The following ST3GAL3 variants were observed in gnomAD, a reference collection of about 807,000 sequenced individuals.
ST3GAL3 encodes the protein CMP-N-acetylneuraminate-beta-1,4-galactoside alpha-2,3-sialyltransferase.
In ST3GAL3, 21 loss-of-function variants were observed where a neutral mutation model predicts 50.1. The ratio of observed to expected loss-of-function variants is 0.42; its 90% CI spans 0.30 to 0.60. ST3GAL3 has a LOEUF of 0.60. ST3GAL3 is among the 20% of genes least tolerant of loss of function. ST3GAL3 has a pLI of 0.19. For missense variants in ST3GAL3, 353 were observed against 489.4 expected (o/e 0.72, Z 2.63); for synonymous variants, 183 against 190.0 (o/e 0.96, Z 0.30).
At chr1:43,753,652 G>A (rs1391432267) in intron 2 of ST3GAL3, among the ~76,000 whole-genome samples, 2 of 152,174 alleles carry the variant, frequency 1.3e-5, no homozygotes, top group Admixed American at 1.3e-4. Context: ...TCATGTTACT[G>A]TAATCTATTC....
At chr1:43,837,347 CAG>C (rs1445464244) in intron 4 of ST3GAL3, among the ~76,000 whole-genome samples, 1 of 39,456 alleles carries the variant, frequency 2.5e-5, no homozygotes, top group African/African-American at 6.7e-5. Flanking sequence ...ACATTCCAGG[CAG>C]AGAGAGGAAA....
chr1:43,924,473 A>G (rs551252751), intron 11 of ST3GAL3, among the ~76,000 whole-genome samples: 39 of 152,348 alleles, frequency 2.6e-4, no homozygotes, highest in African/African-American at 8.4e-4. Flanking sequence ...CCAAATCGCA[A>G]TGGGCTTTCT....
At chr1:43,771,275 A>G (rs1355179749) in intron 2 of ST3GAL3, among the ~76,000 whole-genome samples, 3 of 152,198 alleles carry the variant, frequency 2.0e-5, no homozygotes, top group Non-Finnish European at 4.4e-5. Flanking sequence ...CTTAGAAAAC[A>G]TGAATTAGAG....
chr1:43,834,309 G>A (rs952641082), intron 4 of ST3GAL3, among the ~76,000 whole-genome samples: 3 of 152,108 alleles, frequency 2.0e-5, no homozygotes, highest in African/African-American at 2.4e-5. Flanking sequence ...TCCCCGCTCC[G>A]GCTATTGCCC....
intron 5 of ST3GAL3, among the ~76,000 whole-genome samples, chr1:43,861,208 C>G (rs184676128): frequency 3.3e-5 from 5 of 152,310 alleles, no homozygotes; most frequent in Admixed American, 3.3e-4. Context: ...CTTGGACAAG[C>G]CCTTAGTCAT....
intron 11 of ST3GAL3, among the ~76,000 whole-genome samples, chr1:43,927,958 G>C (rs2084308856): frequency 6.6e-6 from 1 of 152,168 alleles, no homozygotes; most frequent in South Asian, 2.1e-4. Flanking sequence ...CAGGGCAGCT[G>C]GGTTTGTGAT....
chr1:43,712,891 T>G (rs1234374892), intron 1 of ST3GAL3, among the ~76,000 whole-genome samples: 3 of 152,072 alleles, frequency 2.0e-5, no homozygotes, highest in Non-Finnish European at 4.4e-5. Context: ...ATTGTGAAGG[T>G]CTTTGTGAGT....
At chr1:43,800,885 C>CT (rs931798639) in intron 3 of ST3GAL3, among the ~76,000 whole-genome samples, 7 of 151,986 alleles carry the variant, frequency 4.6e-5, no homozygotes, top group African/African-American at 7.3e-5. Context: ...TACCCCATGA[C>CT]TTTTTTTTAG....
chr1:43,863,588 T>C (rs1174737538), intron 5 of ST3GAL3, among the ~76,000 whole-genome samples: 1 of 152,226 alleles, frequency 6.6e-6, no homozygotes, highest in Non-Finnish European at 1.5e-5. Flanking sequence ...TTTCTGCTTC[T>C]GCAATTCGGA....
At chr1:43,752,540 T>A (rs574830928) in intron 2 of ST3GAL3, among the ~76,000 whole-genome samples, 1 of 152,120 alleles carries the variant, frequency 6.6e-6, no homozygotes, top group African/African-American at 2.4e-5. Context: ...TCGCTCTGTG[T>A]CCCAGGCTGG....
chr1:43,918,584 TG>T (rs1557548332), intron 9 of ST3GAL3, among the ~76,000 whole-genome samples: 1 of 152,108 alleles, frequency 6.6e-6, no homozygotes, highest in East Asian at 1.9e-4. Flanking sequence ...TCACTGATCT[TG>T]GTTTTGAATC....
intron 3 of ST3GAL3, among the ~76,000 whole-genome samples, chr1:43,796,269 G>A (rs911200974): frequency 6.6e-6 from 1 of 152,236 alleles, no homozygotes; most frequent in Non-Finnish European, 1.5e-5. Flanking sequence ...ATGGCAGAAT[G>A]TGGTAATTAA....
intron 1 of ST3GAL3, among the ~76,000 whole-genome samples, chr1:43,710,273 G>C (rs144628629): frequency 6.6e-6 from 1 of 152,022 alleles, no homozygotes; most frequent in Admixed American, 6.5e-5. Flanking sequence ...ATAGAGACGG[G>C]GTTTCACCAT....
intron 1 of ST3GAL3, among the ~76,000 whole-genome samples, chr1:43,708,503 T>C (rs1214398198): frequency 6.6e-6 from 1 of 152,226 alleles, no homozygotes; most frequent in African/African-American, 2.4e-5. Context: ...AAAACTCTTA[T>C]TAGGTTACTA....
At chr1:43,783,801 G>A (rs375405138) in intron 2 of ST3GAL3, among the ~76,000 whole-genome samples, 1 of 152,080 alleles carries the variant, frequency 6.6e-6, no homozygotes, top group Non-Finnish European at 1.5e-5. Context: ...CAGACTTCCT[G>A]ATGTCCCTGT....
chr1:43,832,434 C>T (rs1428669969), intron 4 of ST3GAL3, among the ~76,000 whole-genome samples: 1 of 152,154 alleles, frequency 6.6e-6, no homozygotes, highest in Non-Finnish European at 1.5e-5. Flanking sequence ...TCGTAGATGG[C>T]TGTACACGTA....
At chr1:43,850,228 C>A in intron 5 of ST3GAL3, 1 of 392,348 alleles carries the variant, frequency 2.5e-6, no homozygotes, top group Non-Finnish European at 5.0e-6. Context: ...GCTTGTACAT[C>A]TCTCAAGGGG....
At chr1:43,732,980 CTT>C (rs11320852) in intron 1 of ST3GAL3, among the ~76,000 whole-genome samples, 1,468 of 143,748 alleles carry the variant, frequency 0.01, 18 homozygotes, top group African/African-American at 0.024. Context: ...ATAAAAAATA[CTT>C]TTTTTTTTTT....
intron 4 of ST3GAL3, among the ~76,000 whole-genome samples, chr1:43,817,636 C>A (rs529867826): frequency 3.4e-5 from 4 of 118,220 alleles, no homozygotes; most frequent in Admixed American, 1.7e-4. Context: ...CCTTCTCCTC[C>A]TCCTTCTCCT....
Sources: allele counts gnomAD v4.1 joint callset (sites outside exome capture counted in the v4.1 genomes callset), GRCh38; gene constraint gnomAD v4.1.1; transcripts MANE v1.5; gene names NCBI Gene and HGNC (gene_info 2026-07-23, HGNC 2026-07-21).